CNTN5: variants seen among roughly 807,000 people sequenced by gnomAD.
CNTN5 encodes contactin 5, also known as contactin-5.
A neutral mutation model predicts 129.1 loss-of-function variants in CNTN5; 77 were observed. That is an observed-to-expected ratio of 0.60 (90% CI 0.50 to 0.72). The LOEUF is 0.72. CNTN5 is among the 30% of genes least tolerant of loss of function. CNTN5 has a pLI of 0.00. For missense variants in CNTN5, 1,478 were observed against 1,328.8 expected (o/e 1.11, Z -1.75); for synonymous variants, 509 against 465.6 (o/e 1.09, Z -1.20).
chr11:100,070,033 T>G (rs1293730747), intron 10 of CNTN5, among the ~76,000 whole-genome samples: 1 of 152,064 alleles, frequency 6.6e-6, no homozygotes, highest in Admixed American at 6.6e-5. Context: ...AGAAACAAGT[T>G]GAGTAGATAC....
intron 8 of CNTN5, among the ~76,000 whole-genome samples, chr11:99,988,000 A>G (rs1051845134): frequency 6.6e-6 from 1 of 152,206 alleles, no homozygotes; most frequent in Non-Finnish European, 1.5e-5. Context: ...CTTTACATCT[A>G]GAGTCTTTAA....
chr11:99,164,098 C>T (rs761835668), intron 1 of CNTN5, among the ~76,000 whole-genome samples: 2 of 151,910 alleles, frequency 1.3e-5, no homozygotes, highest in South Asian at 2.1e-4. Context: ...GTGGCCAAGG[C>T]GGGTGGATCA....
intron 1 of CNTN5, among the ~76,000 whole-genome samples, chr11:99,053,990 TG>T (rs1481702555): frequency 4.6e-5 from 7 of 152,016 alleles, no homozygotes; most frequent in African/African-American, 1.4e-4. Context: ...ATAATTTTGC[TG>T]TATCTGAAGT....
At chr11:99,635,067 A>G (rs1435639226) in intron 3 of CNTN5, among the ~76,000 whole-genome samples, 1 of 152,204 alleles carries the variant, frequency 6.6e-6, no homozygotes, top group Non-Finnish European at 1.5e-5. Context: ...TTATTCCTGG[A>G]CAGAAGTGGA....
intron 13 of CNTN5, among the ~76,000 whole-genome samples, chr11:100,098,505 T>C (rs1169788585): frequency 6.6e-6 from 1 of 152,106 alleles, no homozygotes; most frequent in Non-Finnish European, 1.5e-5. Flanking sequence ...TTTACTCTAT[T>C]AGGAAATATT....
At chr11:100,003,306 G>A (rs1411168905) in intron 9 of CNTN5, among the ~76,000 whole-genome samples, 1 of 152,098 alleles carries the variant, frequency 6.6e-6, no homozygotes, top group Non-Finnish European at 1.5e-5. Context: ...GATATCTGAG[G>A]AAGCCTCCTA....
At chr11:99,384,049 C>A (rs1013951968) in intron 2 of CNTN5, among the ~76,000 whole-genome samples, 1 of 152,162 alleles carries the variant, frequency 6.6e-6, no homozygotes, top group Non-Finnish European at 1.5e-5. Flanking sequence ...ATTACTAGTG[C>A]GTTGCTGATT....
intron 13 of CNTN5, among the ~76,000 whole-genome samples, chr11:100,173,846 G>T (rs979961647): frequency 4.6e-5 from 7 of 152,202 alleles, no homozygotes; most frequent in African/African-American, 9.6e-5. Flanking sequence ...TAAGTAAGAC[G>T]CTGGTCCCTT....
In CNTN5 at chr11:99,923,765, A is replaced by G. The variant is rs551758462; in HGVS notation, c.673+7616A>G. On this transcript the variant is annotated intron_variant, in intron 7 of 24. Coordinates refer to ENST00000524871, the MANE Select transcript of CNTN5 (RefSeq NM_014361.4). ...ATCTAATCTATCTGTCTGTCTATCT[A>G]TCTATCTATCTATCTATCTATCTAT... is the stretch of plus-strand genomic sequence containing the variant. Among the ~76,000 whole-genome samples, 181 of 144,690 alleles carry G rather than the reference A, an allele frequency of 1.3e-3. 2 individuals carry two copies. The highest frequency in any genetic ancestry group is 3.6e-3 in the Middle Eastern group (1 of 278). The allele number at this position is 144,690 out of a possible 152,430, so 94.9% of individuals were successfully genotyped here.
At chr11:99,181,946 A>G (rs889201574) in intron 1 of CNTN5, among the ~76,000 whole-genome samples, 6 of 152,192 alleles carry the variant, frequency 3.9e-5, no homozygotes, top group African/African-American at 1.4e-4. Flanking sequence ...GAGTGGTATT[A>G]TATAAAATGA....
intron 1 of CNTN5, among the ~76,000 whole-genome samples, chr11:99,039,657 T>G (rs564263567): frequency 6.3e-4 from 96 of 152,218 alleles, no homozygotes; most frequent in African/African-American, 2.2e-3. Flanking sequence ...CCTCTGTGAT[T>G]TTACAGAATG....
At chr11:99,855,939 C>G (rs1355161360) in intron 6 of CNTN5, among the ~76,000 whole-genome samples, 1 of 152,082 alleles carries the variant, frequency 6.6e-6, no homozygotes, top group African/African-American at 2.4e-5. Flanking sequence ...CATAATAAAA[C>G]TAGAAACCAA....
intron 4 of CNTN5, among the ~76,000 whole-genome samples, chr11:99,830,856 C>G (rs920841201): frequency 6.6e-6 from 1 of 152,098 alleles, no homozygotes; most frequent in African/African-American, 2.4e-5. Flanking sequence ...TCTTTCAGCA[C>G]TTACAGCAGT....
At chr11:100,210,174 CAAAAA>C (rs59613776) in intron 15 of CNTN5, among the ~76,000 whole-genome samples, 1 of 81,108 alleles carries the variant, frequency 1.2e-5, no homozygotes. Context: ...TGCCTCTATA[CAAAAA>C]AAAAAAAAAA....
At chr11:99,966,517 C>T (rs1404531458) in intron 8 of CNTN5, among the ~76,000 whole-genome samples, 1 of 152,194 alleles carries the variant, frequency 6.6e-6, no homozygotes, top group East Asian at 1.9e-4. Flanking sequence ...TATTGATGGA[C>T]TTTCATCTCC....
In CNTN5 at chr11:100,121,035, G is replaced by C. The variant is rs533259812; in HGVS notation, c.1580+46741G>C. Reference sequence around the variant, plus strand: ...CCATTCCAAAAAGGCAGATTAATTGGAGAAAAAGGCATACAAATGTATTGG... The same window carrying C: ...CCATTCCAAAAAGGCAGATTAATTGCAGAAAAAGGCATACAAATGTATTGG... On this transcript the variant is annotated intron_variant, in intron 13 of 24. Transcript: ENST00000524871. 1.2e-4 allele frequency among the ~76,000 whole-genome samples: 18 copies of C among 151,848 alleles called. No homozygotes were observed. In the East Asian group the frequency reaches 2.1e-3, roughly 18 times the overall value.
At chr11:100,006,523 C>A (rs1250567432) in intron 9 of CNTN5, among the ~76,000 whole-genome samples, 1 of 152,116 alleles carries the variant, frequency 6.6e-6, no homozygotes, top group Non-Finnish European at 1.5e-5. Flanking sequence ...ACTCAAGAAA[C>A]CCCTTTCTTT....
chr11:100,350,915 T>C (rs1470025840), intron 24 of CNTN5, 45 bp downstream of exon 24: 2 of 1,442,682 alleles, frequency 1.4e-6, no homozygotes, highest in Non-Finnish European at 9.4e-7. Flanking sequence ...AACCAACAAT[T>C]ACGAGATGGT....
rs1328726808 is a variant in CNTN5 at position 100,358,669 on chromosome 11, T to C, written c.*2449T>C. 6.6e-6 allele frequency: 1 copy of C among 151,796 alleles called. No homozygotes were observed. Among genetic ancestry groups the C allele is most frequent in the African/African-American group, 2.4e-5 (1 of 41,394 alleles). 9.4% of individuals were successfully genotyped at this position (151,796 alleles called of 1,614,324 possible). A position where few individuals can be genotyped will look rare whatever the true frequency, so the allele number is the denominator to read the frequency against. ...TTGAATATGAAGAAAGCAACAGTCC[T>C]TATAATTAGAAATTTCATGAAAGCA... On this transcript the variant is annotated 3_prime_UTR_variant, in exon 25 of 25. Coordinates refer to ENST00000524871, the MANE Select transcript of CNTN5 (RefSeq NM_014361.4).
Sources: allele counts gnomAD v4.1 joint callset (sites outside exome capture counted in the v4.1 genomes callset), GRCh38; gene constraint gnomAD v4.1.1; transcripts MANE v1.5; gene names NCBI Gene and HGNC (gene_info 2026-07-23, HGNC 2026-07-21).